Variants in UBE2O observed in about 807,000 individuals in gnomAD.
The protein encoded by UBE2O is ubiquitin conjugating enzyme E2 O.
UBE2O carries 15 observed loss-of-function variants against 125.8 expected under a neutral mutation model. The observed-to-expected ratio is 0.12, with a 90% CI of 0.08 to 0.18. The LOEUF (loss-of-function observed/expected upper bound fraction) is 0.18, where lower values mean the gene tolerates loss of function less well. Ranked by LOEUF, UBE2O falls within the 10% of genes least tolerant of loss-of-function variation. The pLI is 1.00. For missense variants in UBE2O, 1,280 were observed against 1,723.6 expected (o/e 0.74, Z 4.56); for synonymous variants, 708 against 703.2 (o/e 1.01, Z -0.11).
Position 76,399,352 on chromosome 17 carries a change from G to GGT in UBE2O, c.1628+95_1628+96dup. 2 of 1,228,940 alleles carry GGT rather than the reference G, an allele frequency of 1.6e-6. No homozygotes were observed. Among genetic ancestry groups the GGT allele is most frequent in the Non-Finnish European group, 2.3e-6 (2 of 858,814 alleles). The allele number at this position is 1,228,940 out of a possible 1,614,324, so 76.1% of individuals were successfully genotyped here. On this transcript the variant is annotated intron_variant, in intron 9 of 17. Coordinates refer to ENST00000319380, the MANE Select transcript of UBE2O (RefSeq NM_022066.4). The surrounding 1 kb of genome is among the most constrained non-coding windows in gnomAD (Gnocchi z 6.9). ...CCGGAGCCACTACAAGGCATGCAGA[G>GGT]GTGTGTGTGCGAGCGCAGGCACGCA...
In UBE2O at chr17:76,429,946, G is replaced by C. The variant is rs540206902; in HGVS notation, c.417+22779C>G. The stretch of plus-strand genomic sequence containing the variant: ...AGCAAAGGGGATTGAGTATTTTCTG[G>C]TTTGCAGAATTCAAAGAGATGACTT... On this transcript the variant is annotated intron_variant, in intron 1 of 17. Coordinates refer to ENST00000319380, the MANE Select transcript of UBE2O (RefSeq NM_022066.4). 2.6e-5 allele frequency among the ~76,000 whole-genome samples: 4 copies of C among 152,258 alleles called. No homozygotes were observed. The East Asian group carries it at 7.7e-4, about 29-fold the overall frequency.
intron 1 of UBE2O, among the ~76,000 whole-genome samples, chr17:76,434,980 G>C (rs1369973765): frequency 6.6e-6 from 1 of 151,926 alleles, no homozygotes; most frequent in African/African-American, 2.4e-5. Flanking sequence ...CCCCAAAATG[G>C]CAGAGCTGGG....
intron 1 of UBE2O, among the ~76,000 whole-genome samples, chr17:76,429,295 A>G (rs544089854): frequency 3.9e-4 from 60 of 152,060 alleles, no homozygotes; most frequent in Middle Eastern, 6.8e-3. Flanking sequence ...TGATCCCAGC[A>G]CTTTGTGAGG....
chr17:76,398,294 G>T lies in UBE2O; in HGVS notation c.1986C>A (p.Ile662=). 1 of 1,614,166 alleles carries T rather than the reference G, an allele frequency of 6.2e-7. No individual in the cohort carries two copies. The highest frequency in any genetic ancestry group is 8.5e-7 in the Non-Finnish European group (1 of 1,180,032). The change falls in exon 12 of 18, where the codon ATC becomes ATA. Residue 662 remains isoleucine, a synonymous_variant. Transcript: ENST00000319380. This position sits in a 1 kb window ranked among gnomAD's most constrained non-coding sequence, Gnocchi z 5.4. The stretch of plus-strand genomic sequence containing the variant: ...GAGGAGCCCCATCCTCAGTATTGCC[G>T]ATGCGGATGACGATGTCAGTTGTAC... ...RFRTTDIVIR[I]GNTEDGAPHK...
intron 5 of UBE2O, 65 bp from the exon 6 acceptor site, chr17:76,401,219 C>T: frequency 6.4e-7 from 1 of 1,571,874 alleles, no homozygotes. Context: ...CCATGCTCTC[C>T]ACGCCTGTGC....
chr17:76,403,027 G>C (rs2072355814), intron 3 of UBE2O, among the ~76,000 whole-genome samples: 1 of 152,192 alleles, frequency 6.6e-6, no homozygotes, highest in African/African-American at 2.4e-5. Flanking sequence ...ACCTGGCAAA[G>C]TAGGCTGTGG....
chr17:76,412,916 G>A (rs1166541364), intron 1 of UBE2O, among the ~76,000 whole-genome samples: 1 of 152,160 alleles, frequency 6.6e-6, no homozygotes, highest in Non-Finnish European at 1.5e-5. Flanking sequence ...GCTGAGGCAG[G>A]AGAATCGTTT....
In UBE2O at chr17:76,404,687, G is replaced by A. The variant is rs372379940; in HGVS notation, c.588+519C>T. On this transcript the variant is annotated intron_variant, in intron 3 of 17. Transcript: ENST00000319380. The surrounding 1 kb of genome is among the most constrained non-coding windows in gnomAD (Gnocchi z 4.3). Reference sequence around the variant, plus strand: ...GTCCTCATTTTTGGAAAACACACAAGAGGTGTGTGTATTCCGGGGTGGGTG... The same window carrying A: ...GTCCTCATTTTTGGAAAACACACAAAAGGTGTGTGTATTCCGGGGTGGGTG... Among the ~76,000 whole-genome samples the A allele has an allele frequency of 6.6e-5, 10 of 152,242 alleles. No homozygotes were observed. The East Asian group carries it at 1.9e-3, about 29-fold the overall frequency.
chr17:76,449,737 G>A (rs572368084), intron 1 of UBE2O, among the ~76,000 whole-genome samples: 2 of 151,946 alleles, frequency 1.3e-5, no homozygotes, highest in South Asian at 2.1e-4. Flanking sequence ...TGGCCACCAC[G>A]GAGAAACCCC....
chr17:76,406,902 G>C (rs1403637923), intron 1 of UBE2O, among the ~76,000 whole-genome samples: 2 of 152,040 alleles, frequency 1.3e-5, no homozygotes, highest in African/African-American at 2.4e-5. Context: ...GCTTCACCAT[G>C]TTGGCCAGGC....
At chr17:76,449,860 C>T (rs1446647615) in intron 1 of UBE2O, among the ~76,000 whole-genome samples, 17 of 151,758 alleles carry the variant, frequency 1.1e-4, no homozygotes, top group South Asian at 2.1e-4. Context: ...GCAGAGGTTG[C>T]GGTGAGCCGA....
chr17:76,396,951 T>C lies in UBE2O; in HGVS notation c.2116-130A>G. 1 of 734,904 alleles carries C rather than the reference T, an allele frequency of 1.4e-6. No individual in the cohort carries two copies. Among genetic ancestry groups the C allele is most frequent in the Non-Finnish European group, 2.2e-6 (1 of 461,092 alleles). The allele number at this position is 734,904 out of a possible 1,614,324, so 45.5% of individuals were successfully genotyped here. ...GGCTCATGAGGCCTTGGCAACCTCATTCCACCCTTTCCCTGACCTCTGCTC... is the reference window on the plus strand; with the variant it reads ...GGCTCATGAGGCCTTGGCAACCTCACTCCACCCTTTCCCTGACCTCTGCTC... On this transcript the variant is annotated intron_variant, in intron 13 of 17. Transcript: ENST00000319380. The surrounding 1 kb of genome is among the most constrained non-coding windows in gnomAD (Gnocchi z 6.7).
At chr17:76,408,153 C>G (rs1210107312) in intron 1 of UBE2O, among the ~76,000 whole-genome samples, 5 of 152,232 alleles carry the variant, frequency 3.3e-5, no homozygotes, top group Non-Finnish European at 7.3e-5. Context: ...TGAACAGTTA[C>G]TTCCAAATGT....
chr17:76,395,915 T>G lies in UBE2O; in HGVS notation c.2810-54A>C. 4 of 1,609,730 alleles carry G rather than the reference T, an allele frequency of 2.5e-6. No homozygotes were observed. Among genetic ancestry groups the G allele is most frequent in the Non-Finnish European group, 3.4e-6 (4 of 1,179,054 alleles). On this transcript the variant is annotated intron_variant, in intron 14 of 17. Transcript: ENST00000319380. The surrounding 1 kb of genome is among the most constrained non-coding windows in gnomAD (Gnocchi z 5.0). ...CTCATGGAGAGGCCCTGGAGCTCCA[T>G]CTGCCAACCTGGCTGGACAGGTGAG...
chr17:76,426,159 C>A (rs185488064), intron 1 of UBE2O, among the ~76,000 whole-genome samples: 1 of 152,166 alleles, frequency 6.6e-6, no homozygotes, highest in Non-Finnish European at 1.5e-5. Context: ...CACAACACCA[C>A]ACTTGGCTAA....
At chr17:76,434,926 G>A (rs984357644) in intron 1 of UBE2O, among the ~76,000 whole-genome samples, 2 of 152,038 alleles carry the variant, frequency 1.3e-5, no homozygotes, top group African/African-American at 4.8e-5. Flanking sequence ...CCCAATAGAG[G>A]GGCTCGGGCG....
Position 76,402,609 on chromosome 17 carries a change from C to T in UBE2O, c.679G>A (p.Gly227Ser), listed in dbSNP as rs775817471. ...KNQIILKLSN[G>S]ARCSMNTEDG... ...CTGGTGGTGAGACTCTACCTGGCGC[C>T]GTTGGATAGCTTCAGGATGATCTGG... The change falls in exon 4 of 18, where the codon GGC (glycine) becomes AGC (serine). Residue 227 changes from glycine to serine, a missense_variant. Physicochemically the swap from Gly to Ser is moderately conservative, Grantham distance 56. This residue lies in a region of UBE2O where 206 missense variants were observed against 315.7 expected (regional missense o/e 0.65). Coordinates refer to ENST00000319380, the MANE Select transcript of UBE2O (RefSeq NM_022066.4). This position sits in a 1 kb window ranked among gnomAD's most constrained non-coding sequence, Gnocchi z 5.4. 3.1e-6 allele frequency: 5 copies of T among 1,614,006 alleles called. No homozygotes were observed. Among genetic ancestry groups the T allele is most frequent in the Non-Finnish European group, 3.4e-6 (4 of 1,179,920 alleles).
intron 1 of UBE2O, among the ~76,000 whole-genome samples, chr17:76,439,277 C>T (rs1466003): frequency 0.25 from 37,581 of 152,108 alleles, 5,095 homozygotes; most frequent in East Asian, 0.49. Flanking sequence ...TTGTTGTTAT[C>T]GTTATTTACA....
At chr17:76,412,912 G>A (rs1347692987) in intron 1 of UBE2O, among the ~76,000 whole-genome samples, 3 of 152,156 alleles carry the variant, frequency 2.0e-5, no homozygotes, top group African/African-American at 4.8e-5. Flanking sequence ...GGAGGCTGAG[G>A]CAGGAGAATC....
Sources: gnomAD v4.1 joint callset for allele counts (sites outside exome capture counted in the v4.1 genomes callset) on GRCh38, gnomAD v4.1.1 for gene constraint, gnomAD v4.1.1 regional missense constraint, Gnocchi (gnomAD v3.1) non-coding constraint, MANE v1.5 for transcripts, NCBI Gene and HGNC (gene_info 2026-07-23, HGNC 2026-07-21) for gene names.